Variants in CSMD3 observed in about 807,000 individuals in gnomAD.
CSMD3 encodes the protein CUB and Sushi multiple domains 3.
A neutral mutation model predicts 435.2 loss-of-function variants in CSMD3; 177 were observed. That is an observed-to-expected ratio of 0.41 (90% CI 0.36 to 0.46). The LOEUF is 0.46. Ranked by LOEUF, CSMD3 falls within the 20% of genes least tolerant of loss-of-function variation. CSMD3 has a pLI of 0.34. For missense variants in CSMD3, 4,265 were observed against 4,504.6 expected (o/e 0.95, Z 1.52); for synonymous variants, 1,656 against 1,520.5 (o/e 1.09, Z -2.07).
intron 32 of CSMD3, among the ~76,000 whole-genome samples, chr8:112,457,918 A>G (rs573862815): frequency 2.6e-5 from 4 of 152,170 alleles, no homozygotes; most frequent in African/African-American, 9.6e-5. Flanking sequence ...TTAAGCTAAT[A>G]CCTTGGTAAA....
At chr8:112,295,693 G>A in intron 54 of CSMD3, 140 bp downstream of exon 54, 1 of 686,176 alleles carries the variant, frequency 1.5e-6, no homozygotes, top group South Asian at 1.8e-5. Flanking sequence ...CTTTTGCATA[G>A]CAGTATCAAA....
intron 3 of CSMD3, among the ~76,000 whole-genome samples, chr8:113,208,643 A>G (rs1351853944): frequency 6.6e-6 from 1 of 152,142 alleles, no homozygotes; most frequent in Non-Finnish European, 1.5e-5. Flanking sequence ...ATTACAAACT[A>G]TGGAGTGCAT....
chr8:112,554,189 C>A (rs1827923334), intron 25 of CSMD3, among the ~76,000 whole-genome samples: 1 of 151,026 alleles, frequency 6.6e-6, no homozygotes, highest in Non-Finnish European at 1.5e-5. Flanking sequence ...ATAAGGAAGA[C>A]AGAGAGAGAG....
chr8:113,307,623 G>A (rs756702547), intron 2 of CSMD3, among the ~76,000 whole-genome samples: 1 of 152,140 alleles, frequency 6.6e-6, no homozygotes. Context: ...TGCAATGCAT[G>A]TATTTGTCAA....
chr8:112,331,076 C>T (rs1441358065), intron 45 of CSMD3, among the ~76,000 whole-genome samples: 4 of 151,918 alleles, frequency 2.6e-5, no homozygotes, highest in African/African-American at 9.7e-5. Context: ...AGCAATAATA[C>T]ATGGAAAGCA....
chr8:112,332,106 A>G (rs944605080), intron 45 of CSMD3, among the ~76,000 whole-genome samples: 1 of 152,160 alleles, frequency 6.6e-6, no homozygotes, highest in African/African-American at 2.4e-5. Flanking sequence ...CTGTAACACT[A>G]AAATACAATC....
chr8:112,527,936 A>C (rs1476957198), intron 27 of CSMD3, among the ~76,000 whole-genome samples: 1 of 152,106 alleles, frequency 6.6e-6, no homozygotes, highest in Non-Finnish European at 1.5e-5. Context: ...GCATATTAAC[A>C]CTCTTCATAC....
At chr8:112,240,249 GTTTAA>G (rs959161936) in intron 66 of CSMD3, among the ~76,000 whole-genome samples, 5 of 151,868 alleles carry the variant, frequency 3.3e-5, no homozygotes, top group African/African-American at 1.2e-4. Context: ...TTTAAAATTT[GTTTAA>G]TTTAATTTAT....
intron 29 of CSMD3, among the ~76,000 whole-genome samples, chr8:112,504,957 G>T (rs1040713735): frequency 6.6e-6 from 1 of 152,088 alleles, no homozygotes; most frequent in Non-Finnish European, 1.5e-5. Context: ...AAACTATTTT[G>T]GCAAGTTTTA....
At chr8:113,121,383 G>T (rs1051371361) in intron 4 of CSMD3, among the ~76,000 whole-genome samples, 1 of 152,024 alleles carries the variant, frequency 6.6e-6, no homozygotes, top group Non-Finnish European at 1.5e-5. Context: ...GTGTACCATT[G>T]TTTTCTACAA....
chr8:112,711,642 A>G (rs2076612193), intron 13 of CSMD3, among the ~76,000 whole-genome samples: 2 of 152,210 alleles, frequency 1.3e-5, no homozygotes, highest in South Asian at 4.1e-4. Context: ...ACTAATTCCA[A>G]AAATAGTATT....
chr8:113,358,316 C>G (rs923789397), intron 1 of CSMD3, among the ~76,000 whole-genome samples: 1 of 152,110 alleles, frequency 6.6e-6, no homozygotes. Context: ...AGTGAAAATG[C>G]AAAAGCTGTA....
intron 13 of CSMD3, among the ~76,000 whole-genome samples, chr8:112,742,347 G>GA (rs1445152971): frequency 4.0e-5 from 6 of 151,362 alleles, no homozygotes; most frequent in Non-Finnish European, 8.9e-5. Context: ...AGCAGAGAAA[G>GA]AAAAAATCTT....
intron 11 of CSMD3, among the ~76,000 whole-genome samples, chr8:112,833,780 A>C (rs948909931): frequency 6.6e-6 from 1 of 151,884 alleles, no homozygotes; most frequent in Admixed American, 6.6e-5. Context: ...ACTAATAATG[A>C]CATGAACACT....
At chr8:112,722,490 C>G (rs1349068363) in intron 13 of CSMD3, among the ~76,000 whole-genome samples, 1 of 152,066 alleles carries the variant, frequency 6.6e-6, no homozygotes, top group African/African-American at 2.4e-5. Flanking sequence ...TTGCACCCTA[C>G]TTTCAAATTG....
chr8:112,297,567 G>A (rs546619111), intron 53 of CSMD3, among the ~76,000 whole-genome samples: 10 of 151,764 alleles, frequency 6.6e-5, no homozygotes, highest in South Asian at 6.3e-4. Flanking sequence ...AGGAATATAG[G>A]GAACATTCTC....
intron 13 of CSMD3, among the ~76,000 whole-genome samples, chr8:112,729,088 C>CA (rs1248665478): frequency 1.3e-5 from 2 of 151,852 alleles, no homozygotes; most frequent in African/African-American, 4.8e-5. Flanking sequence ...AATTTTGAAT[C>CA]AAAAGTTATG....
rs996890675 is a variant in CSMD3, at chr8:112,433,703, G to A, written c.5396-24671C>T. Among the ~76,000 whole-genome samples, 88 of 136,914 alleles carry A rather than the reference G, an allele frequency of 6.4e-4. 1 individual carries two copies. In the South Asian group the frequency reaches 9.3e-3, roughly 14 times the overall value. The allele number at this position is 136,914 out of a possible 152,430, so 89.8% of individuals were successfully genotyped here. ...AAAGAAAGAAAAAAGAAAAGAAGAA[G>A]AAAAAAACCTACAACAAACCTATTT... On this transcript the variant is annotated intron_variant, in intron 32 of 70. Transcript: ENST00000297405.
intron 10 of CSMD3, among the ~76,000 whole-genome samples, chr8:112,897,361 A>G (rs1259064460): frequency 6.6e-6 from 1 of 151,356 alleles, no homozygotes; most frequent in Non-Finnish European, 1.5e-5. Flanking sequence ...GGAATAAATT[A>G]ATTAAGAACA....
Sources: gnomAD v4.1 joint callset for allele counts (sites outside exome capture counted in the v4.1 genomes callset) on GRCh38, gnomAD v4.1.1 for gene constraint, MANE v1.5 for transcripts, NCBI Gene and HGNC (gene_info 2026-07-23, HGNC 2026-07-21) for gene names.